The following COX7B2 variants were observed in gnomAD, a reference collection of about 807,000 sequenced individuals.
COX7B2 encodes the protein cytochrome c oxidase subunit 7B2, mitochondrial.
For missense variants in COX7B2, 109 were observed against 95.9 expected (o/e 1.14, Z -0.57); for synonymous variants, 37 against 32.1 (o/e 1.15, Z -0.51).
In COX7B2 at chr4:46,735,258, G is replaced by T; in HGVS notation, c.-49-17C>A. 2 of 1,546,304 alleles carry T rather than the reference G, an allele frequency of 1.3e-6. No homozygotes were observed. The highest frequency in any genetic ancestry group is 2.2e-5 in the East Asian group (1 of 44,508). On this transcript the variant is annotated splice_polypyrimidine_tract_variant and intron_variant, in intron 2 of 2. Transcript: ENST00000355591. ...GCAAAGAGGCTGGAAAGAGAGAAAA[G>T]ATATGCATTGATGTCCAATCTTTAT...
chr4:46,784,360 C>T (rs1717640738), intron 2 of COX7B2, among the ~76,000 whole-genome samples: 1 of 152,120 alleles, frequency 6.6e-6, no homozygotes, highest in Non-Finnish European at 1.5e-5. Context: ...GGTGCGGTGG[C>T]TTATGCCTGT....
At chr4:46,843,798 T>C (rs1716095121) in intron 2 of COX7B2, among the ~76,000 whole-genome samples, 1 of 152,010 alleles carries the variant, frequency 6.6e-6, no homozygotes, top group African/African-American at 2.4e-5. Flanking sequence ...AGAAATGTGA[T>C]TTAGAATATT....
At chr4:46,820,575 C>T (rs1714200608) in intron 2 of COX7B2, among the ~76,000 whole-genome samples, 1 of 152,028 alleles carries the variant, frequency 6.6e-6, no homozygotes, top group Admixed American at 6.6e-5. Flanking sequence ...CGCCTGTAAT[C>T]CCAGCGCTTT....
At chr4:46,815,445 A>G (rs1445545760) in intron 2 of COX7B2, among the ~76,000 whole-genome samples, 1 of 152,002 alleles carries the variant, frequency 6.6e-6, no homozygotes, top group Admixed American at 6.5e-5. Flanking sequence ...TTCTAATAAA[A>G]CCTTTTTCTT....
chr4:46,904,755 C>T (rs1252162496), intron 1 of COX7B2, among the ~76,000 whole-genome samples: 2 of 152,024 alleles, frequency 1.3e-5, no homozygotes, highest in Non-Finnish European at 2.9e-5. Flanking sequence ...ATATTAATTC[C>T]ATGCAACGAG....
At chr4:46,775,233 T>C (rs564112696) in intron 2 of COX7B2, among the ~76,000 whole-genome samples, 7 of 152,242 alleles carry the variant, frequency 4.6e-5, no homozygotes, top group African/African-American at 1.7e-4. Flanking sequence ...TTCCAGTATG[T>C]TATGAAAAGC....
At chr4:46,791,492 C>T (rs1053894585) in intron 2 of COX7B2, among the ~76,000 whole-genome samples, 4 of 152,132 alleles carry the variant, frequency 2.6e-5, no homozygotes, top group Admixed American at 1.3e-4. Context: ...TGGTAAATAA[C>T]GTTGAGAGCT....
intron 1 of COX7B2, among the ~76,000 whole-genome samples, chr4:46,895,533 T>C (rs774791602): frequency 1.4e-4 from 22 of 152,016 alleles, no homozygotes; most frequent in Non-Finnish European, 2.9e-4. Context: ...AAAAAATAAC[T>C]ATTGGGTACT....
intron 2 of COX7B2, among the ~76,000 whole-genome samples, chr4:46,736,031 C>T (rs554952250): frequency 9.9e-5 from 15 of 152,228 alleles, no homozygotes; most frequent in African/African-American, 3.1e-4. Context: ...CATGATTACC[C>T]AAAGTCCATA....
chr4:46,894,782 A>T (rs1261510811), intron 1 of COX7B2, among the ~76,000 whole-genome samples: 1 of 152,180 alleles, frequency 6.6e-6, no homozygotes, highest in African/African-American at 2.4e-5. Context: ...GAACTTAAAC[A>T]AATGTACAAG....
At chr4:46,775,828 C>G (rs1046344653) in intron 2 of COX7B2, among the ~76,000 whole-genome samples, 1 of 152,042 alleles carries the variant, frequency 6.6e-6, no homozygotes, top group Non-Finnish European at 1.5e-5. Flanking sequence ...AAGAGACTTT[C>G]TTATGAGGTA....
intron 2 of COX7B2, among the ~76,000 whole-genome samples, chr4:46,781,960 T>C (rs1717483926): frequency 6.6e-6 from 1 of 152,172 alleles, no homozygotes; most frequent in Admixed American, 6.5e-5. Flanking sequence ...GGAGGGCTCC[T>C]GTGCAGCCCG....
intron 2 of COX7B2, among the ~76,000 whole-genome samples, chr4:46,780,949 CA>C (rs761453513): frequency 1.3e-5 from 2 of 152,126 alleles, no homozygotes; most frequent in African/African-American, 2.4e-5. Context: ...TAACATTTAT[CA>C]AAAATATGAA....
chr4:46,773,535 G>A (rs1337002550), intron 2 of COX7B2, among the ~76,000 whole-genome samples: 1 of 152,072 alleles, frequency 6.6e-6, no homozygotes, highest in Non-Finnish European at 1.5e-5. Flanking sequence ...AGCAGTGGGA[G>A]AATGGACTAA....
chr4:46,845,526 T>C (rs1321264394), intron 1 of COX7B2, among the ~76,000 whole-genome samples: 1 of 151,942 alleles, frequency 6.6e-6, no homozygotes, highest in Non-Finnish European at 1.5e-5. Context: ...TCTATAACAA[T>C]AGTGAGGATT....
intron 1 of COX7B2, among the ~76,000 whole-genome samples, chr4:46,863,638 C>T (rs1178452547): frequency 6.6e-6 from 1 of 152,152 alleles, no homozygotes; most frequent in South Asian, 2.1e-4. Context: ...TTGTGCCTTG[C>T]TGCTTTCAAT....
intron 2 of COX7B2, among the ~76,000 whole-genome samples, chr4:46,819,435 A>G (rs1183498978): frequency 6.6e-6 from 1 of 152,094 alleles, no homozygotes; most frequent in Non-Finnish European, 1.5e-5. Context: ...TAAAAGTTAA[A>G]TCAGGGGTGT....
chr4:46,901,847 T>C (rs998411432), intron 1 of COX7B2, among the ~76,000 whole-genome samples: 1 of 152,220 alleles, frequency 6.6e-6, no homozygotes, highest in Non-Finnish European at 1.5e-5. Flanking sequence ...TGGTCTCCCA[T>C]GAGTCCTCAG....
intron 2 of COX7B2, among the ~76,000 whole-genome samples, chr4:46,810,481 A>C (rs886834824): frequency 1.3e-5 from 2 of 152,042 alleles, no homozygotes; most frequent in East Asian, 3.9e-4. Context: ...AGGCTGACAA[A>C]AGTATCTTAT....
Sources: gnomAD v4.1 joint callset for allele counts (sites outside exome capture counted in the v4.1 genomes callset) on GRCh38, gnomAD v4.1.1 for gene constraint, MANE v1.5 for transcripts, NCBI Gene and HGNC (gene_info 2026-07-23, HGNC 2026-07-21) for gene names.